The following DOK6 variants were observed in gnomAD, a reference collection of about 807,000 sequenced individuals.
The protein encoded by DOK6 is docking protein 6, also known as downstream of tyrosine kinase 6.
A neutral mutation model predicts 44.0 loss-of-function variants in DOK6; 22 were observed. The ratio of observed to expected loss-of-function variants is 0.50; its 90% CI spans 0.36 to 0.71. The LOEUF (loss-of-function observed/expected upper bound fraction) is 0.71. DOK6 is among the 30% of genes least tolerant of loss of function. The pLI is 0.00. For synonymous variants in DOK6, 166 were observed against 145.5 expected (o/e 1.14, Z -1.01); for missense variants, 340 against 416.4 (o/e 0.82, Z 1.60).
At chr18:69,838,453 T>C (rs1404278239) in intron 7 of DOK6, among the ~76,000 whole-genome samples, 1 of 152,168 alleles carries the variant, frequency 6.6e-6, no homozygotes, top group African/African-American at 2.4e-5. Flanking sequence ...CATTTCATCA[T>C]GCCAAAATGC....
At chr18:69,651,367 C>T (rs947554422) in intron 3 of DOK6, among the ~76,000 whole-genome samples, 1 of 151,918 alleles carries the variant, frequency 6.6e-6, no homozygotes, top group Non-Finnish European at 1.5e-5. Context: ...TTTTCCAAAA[C>T]TTGTCCCTGC....
At chr18:69,431,510 T>C (rs918521542) in intron 1 of DOK6, among the ~76,000 whole-genome samples, 30 of 152,310 alleles carry the variant, frequency 2.0e-4, no homozygotes, top group African/African-American at 7.0e-4. Flanking sequence ...TCATAAAAGA[T>C]GATCCTTATG....
At chr18:69,469,987 TG>T in intron 1 of DOK6, 1 of 180,608 alleles carries the variant, frequency 5.5e-6, no homozygotes, top group Non-Finnish European at 1.2e-5. Flanking sequence ...CCCTACCCGC[TG>T]GGTATCCAGC....
rs149866184 is a variant in DOK6, at chr18:69,757,287, TA to T, written c.739-460del. On this transcript the variant is annotated intron_variant, in intron 6 of 7. Coordinates refer to ENST00000382713, the MANE Select transcript of DOK6 (RefSeq NM_152721.6). ...AAAAATGTTTAGCGATTGAAATGGG[TA>T]AAAAAAAATAATAACGGGTATTCTG... 2.7e-3 allele frequency among the ~76,000 whole-genome samples: 409 copies of T among 151,644 alleles called. 1 individual carries two copies. The highest frequency in any genetic ancestry group is 9.3e-3 in the African/African-American group (386 of 41,372).
At chr18:69,769,561 C>G (rs1267569982) in intron 7 of DOK6, among the ~76,000 whole-genome samples, 2 of 152,048 alleles carry the variant, frequency 1.3e-5, no homozygotes, top group African/African-American at 4.8e-5. Flanking sequence ...TATAATTTAG[C>G]ATTGTTCTTA....
At chr18:69,538,849 C>T (rs1982192231) in intron 1 of DOK6, among the ~76,000 whole-genome samples, 1 of 151,816 alleles carries the variant, frequency 6.6e-6, no homozygotes, top group African/African-American at 2.4e-5. Flanking sequence ...TCCCTTTTTC[C>T]TCTCCAGCCT....
intron 6 of DOK6, among the ~76,000 whole-genome samples, chr18:69,742,620 A>G (rs1282019548): frequency 1.3e-5 from 2 of 152,168 alleles, no homozygotes; most frequent in Non-Finnish European, 2.9e-5. Flanking sequence ...TTTATTAACC[A>G]TTCACAAGAT....
At chr18:69,589,251 T>C (rs952328598) in intron 2 of DOK6, among the ~76,000 whole-genome samples, 1 of 152,136 alleles carries the variant, frequency 6.6e-6, no homozygotes, top group African/African-American at 2.4e-5. Flanking sequence ...AGTAAAATTT[T>C]CATTTTCTTT....
intron 2 of DOK6, among the ~76,000 whole-genome samples, chr18:69,578,333 G>T (rs1208759141): frequency 6.6e-6 from 1 of 152,154 alleles, no homozygotes; most frequent in Non-Finnish European, 1.5e-5. Context: ...GTGAAGAGGT[G>T]ATCGCGAGTA....
At chr18:69,559,920 T>C (rs1982786450) in intron 1 of DOK6, among the ~76,000 whole-genome samples, 2 of 152,106 alleles carry the variant, frequency 1.3e-5, no homozygotes, top group South Asian at 4.1e-4. Flanking sequence ...CTAATCCCAT[T>C]ATCAAGGCTC....
intron 1 of DOK6, among the ~76,000 whole-genome samples, chr18:69,528,093 G>C (rs781706905): frequency 4.2e-4 from 64 of 150,674 alleles, no homozygotes; most frequent in Middle Eastern, 3.4e-3. Context: ...AACCCGGGAG[G>C]TGGAGCTTGC....
rs112576407 is a variant in DOK6, at chr18:69,570,072, GA to G, written c.174+5488del. On this transcript the variant is annotated intron_variant, in intron 2 of 7. Coordinates refer to ENST00000382713, the MANE Select transcript of DOK6 (RefSeq NM_152721.6). ...GAGGGTGGATGGAAGGAGGTTTCAG[GA>G]AAAAAAAAACTGTTGAGTACTATGC... Among the ~76,000 whole-genome samples the G allele has an allele frequency of 7.4e-4, 109 of 147,042 alleles. No individual in the cohort carries two copies. In the East Asian group the frequency reaches 0.015, roughly 20 times the overall value.
chr18:69,830,209 A>G (rs1426814633), intron 7 of DOK6, among the ~76,000 whole-genome samples: 1 of 152,186 alleles, frequency 6.6e-6, no homozygotes. Flanking sequence ...AAAAGTCCCT[A>G]GAAAAAGAAA....
intron 1 of DOK6, among the ~76,000 whole-genome samples, chr18:69,446,743 A>G (rs1212210139): frequency 2.0e-5 from 3 of 152,038 alleles, no homozygotes; most frequent in Non-Finnish European, 2.9e-5. Context: ...TTTAGTGATC[A>G]CCATTCTAAC....
chr18:69,839,033 G>C (rs111604017), intron 7 of DOK6, among the ~76,000 whole-genome samples: 10 of 126,656 alleles, frequency 7.9e-5, no homozygotes, highest in African/African-American at 3.0e-4. Context: ...TCCTCCCCTA[G>C]CTCCACTCCT....
At chr18:69,732,217 G>A (rs1978431034) in intron 5 of DOK6, among the ~76,000 whole-genome samples, 1 of 152,082 alleles carries the variant, frequency 6.6e-6, no homozygotes, top group Non-Finnish European at 1.5e-5. Flanking sequence ...AACATTGGGA[G>A]TTAAAAATGT....
At chr18:69,401,341 C>T (rs1282897047) in intron 1 of DOK6, 31 bp downstream of exon 1, 1 of 1,480,112 alleles carries the variant, frequency 6.8e-7, no homozygotes, top group Non-Finnish European at 9.0e-7. Flanking sequence ...GCTCCTTCCC[C>T]GGCGCTCGTT....
chr18:69,501,701 T>G (rs908645913), intron 1 of DOK6, among the ~76,000 whole-genome samples: 6 of 152,134 alleles, frequency 3.9e-5, no homozygotes, highest in African/African-American at 1.4e-4. Flanking sequence ...TCTGTAACCA[T>G]GAACATCATC....
chr18:69,692,354 G>A (rs1986286897), intron 4 of DOK6, among the ~76,000 whole-genome samples: 1 of 152,186 alleles, frequency 6.6e-6, no homozygotes, highest in African/African-American at 2.4e-5. Flanking sequence ...GGCAAGAAGT[G>A]GAAATTTCAT....
Sources: allele counts gnomAD v4.1 joint callset (sites outside exome capture counted in the v4.1 genomes callset), GRCh38; gene constraint gnomAD v4.1.1; transcripts MANE v1.5; gene names NCBI Gene and HGNC (gene_info 2026-07-23, HGNC 2026-07-21).